The following SOX5 variants were observed in gnomAD, a reference collection of about 807,000 sequenced individuals.
SOX5 encodes SRY-box transcription factor 5.
In SOX5, 9 loss-of-function variants were observed where a neutral mutation model predicts 92.0. That is an observed-to-expected ratio of 0.10 (90% confidence interval 0.06 to 0.17). SOX5 has a LOEUF of 0.17. Among genes scored for constraint, SOX5 ranks in the 10% least tolerant of loss-of-function variants. SOX5 has a pLI of 1.00. For missense variants in SOX5, 642 were observed against 944.5 expected (o/e 0.68, Z 4.20); for synonymous variants, 344 against 336.3 (o/e 1.02, Z -0.25).
chr12:24,325,061 T>C (rs997135985), intron 2 of SOX5, among the ~76,000 whole-genome samples: 3 of 152,036 alleles, frequency 2.0e-5, no homozygotes, highest in African/African-American at 7.2e-5. Context: ...GCATGATAAT[T>C]CCAGGTCTAG....
intron 2 of SOX5, among the ~76,000 whole-genome samples, chr12:23,871,461 C>T (rs971341582): frequency 6.6e-6 from 1 of 151,944 alleles, no homozygotes; most frequent in Non-Finnish European, 1.5e-5. Context: ...AATGATTAAA[C>T]ATGAAGTGTA....
intron 8 of SOX5, among the ~76,000 whole-genome samples, chr12:23,613,317 A>G (rs964062277): frequency 2.7e-5 from 4 of 146,980 alleles, no homozygotes; most frequent in Non-Finnish European, 6.0e-5. Context: ...ACCCATTAGG[A>G]CGACTCCTAT....
intron 1 of SOX5, among the ~76,000 whole-genome samples, chr12:24,540,727 A>C (rs1952045167): frequency 6.6e-6 from 1 of 152,282 alleles, no homozygotes; most frequent in African/African-American, 2.4e-5. Context: ...GCATCATTGG[A>C]AAAGGGGTTT....
At chr12:24,472,978 A>T (rs557933444) in intron 1 of SOX5, among the ~76,000 whole-genome samples, 1 of 152,266 alleles carries the variant, frequency 6.6e-6, no homozygotes, top group Admixed American at 6.5e-5. Flanking sequence ...ATAATAATTT[A>T]AAAATCATTT....
At chr12:24,136,583 T>C (rs1950128705) in intron 4 of SOX5, among the ~76,000 whole-genome samples, 1 of 152,080 alleles carries the variant, frequency 6.6e-6, no homozygotes, top group Admixed American at 6.5e-5. Flanking sequence ...TAATGAGGGA[T>C]GTGCTGCTAT....
chr12:23,758,598 C>A (rs547413888), intron 3 of SOX5, among the ~76,000 whole-genome samples: 5 of 151,938 alleles, frequency 3.3e-5, no homozygotes, highest in Non-Finnish European at 7.4e-5. Flanking sequence ...TCATGACTTG[C>A]CCAATGTGGA....
chr12:23,705,668 C>T (rs1237471701), intron 6 of SOX5, among the ~76,000 whole-genome samples: 3 of 152,018 alleles, frequency 2.0e-5, no homozygotes, highest in Non-Finnish European at 4.4e-5. Flanking sequence ...TTACAAACCA[C>T]CTTAACTGTG....
intron 9 of SOX5, among the ~76,000 whole-genome samples, chr12:23,594,232 G>A (rs1381822104): frequency 6.6e-6 from 1 of 150,964 alleles, no homozygotes; most frequent in Non-Finnish European, 1.5e-5. Context: ...AGTATTCTGC[G>A]TTGAATCTAC....
intron 4 of SOX5, among the ~76,000 whole-genome samples, chr12:23,991,329 A>AC (rs902789150): frequency 1.2e-4 from 18 of 151,344 alleles, no homozygotes; most frequent in African/African-American, 4.1e-4. Context: ...CTTAAAAAAA[A>AC]AACAACAACA....
At chr12:24,063,403 C>T (rs777417315) in intron 4 of SOX5, among the ~76,000 whole-genome samples, 1 of 152,152 alleles carries the variant, frequency 6.6e-6, no homozygotes, top group Non-Finnish European at 1.5e-5. Flanking sequence ...AATGGCACTA[C>T]ATAGATTCAG....
rs551910411 is a variant in SOX5, at chr12:23,871,059, T to C, written c.270+24734A>G. On this transcript the variant is annotated intron_variant, in intron 2 of 14. Transcript: ENST00000451604. ...CTACTATCTTTTTTAAATTATAAAATAAAACTTTTAAGGTGTATATTTTTC... is the reference window on the plus strand; with the variant it reads ...CTACTATCTTTTTTAAATTATAAAACAAAACTTTTAAGGTGTATATTTTTC... Among the ~76,000 whole-genome samples the C allele has an allele frequency of 6.6e-5, 10 of 152,238 alleles. No individual in the cohort carries two copies. The Middle Eastern group carries it at 0.01, about 155-fold the overall frequency.
At chr12:24,003,143 A>G (rs1592229323) in intron 4 of SOX5, among the ~76,000 whole-genome samples, 1 of 152,098 alleles carries the variant, frequency 6.6e-6, no homozygotes, top group East Asian at 1.9e-4. Flanking sequence ...AACAAGGATC[A>G]GAAGAAAACT....
At chr12:24,156,737 A>G (rs1343287044) in intron 4 of SOX5, among the ~76,000 whole-genome samples, 1 of 152,156 alleles carries the variant, frequency 6.6e-6, no homozygotes, top group Non-Finnish European at 1.5e-5. Flanking sequence ...TACTTCTCAA[A>G]AGAAGAGCAT....
chr12:24,404,186 T>C (rs908512237), intron 1 of SOX5, among the ~76,000 whole-genome samples: 1 of 152,238 alleles, frequency 6.6e-6, no homozygotes, highest in Admixed American at 6.5e-5. Flanking sequence ...CCTTTTCCTT[T>C]TGCATGATTT....
At chr12:24,293,709 T>G (rs540994044) in intron 2 of SOX5, among the ~76,000 whole-genome samples, 2 of 152,296 alleles carry the variant, frequency 1.3e-5, no homozygotes, top group East Asian at 3.9e-4. Flanking sequence ...ATTTGCTGAT[T>G]TTCCATTTTT....
At chr12:23,833,894 TA>T (rs1353271889) in intron 3 of SOX5, among the ~76,000 whole-genome samples, 7 of 151,834 alleles carry the variant, frequency 4.6e-5, no homozygotes. Flanking sequence ...AGTCAGTTTG[TA>T]GGGGAGAGTT....
intron 6 of SOX5, among the ~76,000 whole-genome samples, chr12:23,702,413 C>G (rs967163010): frequency 4.6e-5 from 7 of 151,966 alleles, no homozygotes; most frequent in African/African-American, 1.7e-4. Context: ...GGGTATTTAA[C>G]TGAGTGGTAG....
At chr12:23,620,965 T>C (rs1035984753) in intron 8 of SOX5, among the ~76,000 whole-genome samples, 2 of 152,168 alleles carry the variant, frequency 1.3e-5, no homozygotes, top group East Asian at 1.9e-4. Flanking sequence ...TTTTAAACTT[T>C]TTCCCAAGAA....
intron 1 of SOX5, among the ~76,000 whole-genome samples, chr12:24,510,995 C>T (rs899069151): frequency 2.6e-5 from 4 of 152,176 alleles, no homozygotes; most frequent in Non-Finnish European, 5.9e-5. Context: ...TGACTTGCTT[C>T]ACATATGAGT....
Sources: gnomAD v4.1 joint callset for allele counts (sites outside exome capture counted in the v4.1 genomes callset) on GRCh38, gnomAD v4.1.1 for gene constraint, MANE v1.5 for transcripts, NCBI Gene and HGNC (gene_info 2026-07-23, HGNC 2026-07-21) for gene names.